TC2N: variants seen among roughly 807,000 people sequenced by gnomAD.
The protein encoded by TC2N is tandem C2 domains, nuclear.
TC2N carries 51 observed loss-of-function variants against 61.9 expected under a neutral mutation model. That is an observed-to-expected ratio of 0.82 (90% CI 0.66 to 1.04). The LOEUF (loss-of-function observed/expected upper bound fraction) is 1.04. Among genes scored for constraint, TC2N ranks in the 50% least tolerant of loss-of-function variants. The probability of loss-of-function intolerance (pLI) is 0.00; values close to 1 mark genes in which losing one functional copy is unlikely to be tolerated. For missense variants in TC2N, 556 were observed against 566.7 expected, an observed-to-expected ratio of 0.98 and a Z score of 0.19; for synonymous variants, 204 against 192.6, an observed-to-expected ratio of 1.06 and a Z score of -0.49.
chr14:91,832,788 T>C (rs1479368613), intron 1 of TC2N, among the ~76,000 whole-genome samples: 1 of 151,642 alleles, frequency 6.6e-6, no homozygotes, highest in African/African-American at 2.4e-5. Context: ...AAAGTAAAAA[T>C]TAAATTTAAA....
intron 1 of TC2N, among the ~76,000 whole-genome samples, chr14:91,865,475 C>G (rs1380893234): frequency 1.4e-5 from 2 of 142,178 alleles, no homozygotes. Flanking sequence ...AATTTGAAAA[C>G]AAAAATATCA....
At chr14:91,845,885 C>T (rs762338207) in intron 1 of TC2N, among the ~76,000 whole-genome samples, 9 of 152,232 alleles carry the variant, frequency 5.9e-5, no homozygotes, top group Non-Finnish European at 1.3e-4. Flanking sequence ...GGAGCCACCA[C>T]CTTAGAAGTA....
intron 1 of TC2N, among the ~76,000 whole-genome samples, chr14:91,862,158 C>T (rs557016028): frequency 9.3e-5 from 14 of 151,164 alleles, no homozygotes; most frequent in African/African-American, 3.4e-4. Context: ...GGCAACATGG[C>T]GAAACCCCAT....
intron 2 of TC2N, among the ~76,000 whole-genome samples, chr14:91,812,809 C>T (rs1006036845): frequency 6.6e-6 from 1 of 151,774 alleles, no homozygotes; most frequent in African/African-American, 2.4e-5. Context: ...CAAAAGAATT[C>T]ATAGATGGAA....
intron 3 of TC2N, among the ~76,000 whole-genome samples, chr14:91,804,417 A>G (rs1176129364): frequency 6.6e-6 from 1 of 152,212 alleles, no homozygotes; most frequent in African/African-American, 2.4e-5. Context: ...TACCCATAAT[A>G]GCCAAAAAAT....
intron 1 of TC2N, among the ~76,000 whole-genome samples, chr14:91,858,192 T>C: frequency 6.8e-6 from 1 of 147,158 alleles, no homozygotes; most frequent in East Asian, 2.0e-4. Context: ...GGGGTTTCAC[T>C]ATATTTCCTA....
chr14:91,850,705 G>A (rs775096221), intron 1 of TC2N, among the ~76,000 whole-genome samples: 4 of 152,212 alleles, frequency 2.6e-5, no homozygotes, highest in African/African-American at 4.8e-5. Flanking sequence ...GGCCAAGGCC[G>A]GCAGATCATG....
intron 1 of TC2N, among the ~76,000 whole-genome samples, chr14:91,829,042 C>G (rs1047769735): frequency 6.7e-6 from 1 of 149,148 alleles, no homozygotes; most frequent in South Asian, 2.2e-4. Context: ...AGCATAACCA[C>G]TGTTCTTTTA....
At chr14:91,798,905 T>C (rs1886059955) in intron 6 of TC2N, 84 bp downstream of exon 6, 1 of 860,278 alleles carries the variant, frequency 1.2e-6, no homozygotes, top group Admixed American at 2.6e-5. Flanking sequence ...ATCTAGAGTT[T>C]TTCACCTTAT....
chr14:91,847,359 G>T (rs1464979896), intron 1 of TC2N, among the ~76,000 whole-genome samples: 4 of 152,150 alleles, frequency 2.6e-5, no homozygotes, highest in African/African-American at 4.8e-5. Flanking sequence ...TGTGTCCTCT[G>T]AACTGCATCT....
chr14:91,831,177 C>T (rs1479758348), intron 1 of TC2N, among the ~76,000 whole-genome samples: 1 of 152,136 alleles, frequency 6.6e-6, no homozygotes, highest in East Asian at 1.9e-4. Flanking sequence ...ATACAGCATT[C>T]TTAGCTGTTC....
At chr14:91,790,416 C>T (rs1366539174) in intron 9 of TC2N, among the ~76,000 whole-genome samples, 4 of 152,252 alleles carry the variant, frequency 2.6e-5, no homozygotes, top group Admixed American at 1.3e-4. Flanking sequence ...ACTATTATTG[C>T]TTTAGCCAAT....
At chr14:91,863,038 G>C (rs1888625912) in intron 1 of TC2N, among the ~76,000 whole-genome samples, 1 of 152,236 alleles carries the variant, frequency 6.6e-6, no homozygotes, top group South Asian at 2.1e-4. Context: ...GCTGTTACTG[G>C]CCCATAGGGC....
chr14:91,811,755 T>G (rs1886778735), intron 3 of TC2N, among the ~76,000 whole-genome samples: 1 of 152,088 alleles, frequency 6.6e-6, no homozygotes, highest in Admixed American at 6.6e-5. Flanking sequence ...TCAGTATATG[T>G]GGGGGATTGG....
At chr14:91,854,272 T>C (rs1344180278) in intron 1 of TC2N, among the ~76,000 whole-genome samples, 1 of 152,062 alleles carries the variant, frequency 6.6e-6, no homozygotes, top group Non-Finnish European at 1.5e-5. Flanking sequence ...CTGGGCTTGA[T>C]TTTCCTTATT....
At chr14:91,864,411 G>A (rs907041773) in intron 1 of TC2N, among the ~76,000 whole-genome samples, 1 of 152,120 alleles carries the variant, frequency 6.6e-6, no homozygotes, top group African/African-American at 2.4e-5. Flanking sequence ...ATCAGGGGAT[G>A]TAGAACGTTC....
intron 1 of TC2N, among the ~76,000 whole-genome samples, chr14:91,832,354 C>T (rs1264893269): frequency 6.7e-6 from 1 of 148,960 alleles, no homozygotes; most frequent in Non-Finnish European, 1.5e-5. Context: ...CATGCCATTG[C>T]ACTCCAGCAT....
intron 3 of TC2N, among the ~76,000 whole-genome samples, chr14:91,811,047 T>C (rs1182014935): frequency 6.6e-6 from 1 of 152,138 alleles, no homozygotes; most frequent in African/African-American, 2.4e-5. Flanking sequence ...TCAACAAATA[T>C]ACACTTAAAA....
intron 9 of TC2N, 112 bp from the exon 10 acceptor site, chr14:91,787,739 T>C: frequency 1.6e-6 from 1 of 618,496 alleles, no homozygotes; most frequent in Non-Finnish European, 2.8e-6. Flanking sequence ...TCCTTTCAAA[T>C]GATATTCAAA....
Sources: allele counts gnomAD v4.1 joint callset (sites outside exome capture counted in the v4.1 genomes callset), GRCh38; gene constraint gnomAD v4.1.1; transcripts MANE v1.5; gene names NCBI Gene and HGNC (gene_info 2026-07-23, HGNC 2026-07-21).